Variants in AHRR observed in about 807,000 individuals in gnomAD.
The protein encoded by AHRR is aryl hydrocarbon receptor repressor.
Under a neutral mutation model 44.0 loss-of-function variants are expected in AHRR, and 28 were observed. The ratio of observed to expected loss-of-function variants is 0.64; its 90% confidence interval spans 0.47 to 0.87. AHRR has a LOEUF of 0.87. AHRR is among the 40% of genes least tolerant of loss of function. AHRR has a pLI of 0.00. For synonymous variants in AHRR, 434 were observed against 407.0 expected, an observed-to-expected ratio of 1.07 and a Z score of -0.80; for missense variants, 990 against 953.9, an observed-to-expected ratio of 1.04 and a Z score of -0.50.
At chr5:371,475 G>C (rs1743578956) in intron 3 of AHRR, among the ~76,000 whole-genome samples, 1 of 152,230 alleles carries the variant, frequency 6.6e-6, no homozygotes, top group South Asian at 2.1e-4. Flanking sequence ...GCTCTGAAGT[G>C]ATGAGCTTGC....
chr5:432,085 A>T, intron 8 of AHRR: 1 of 262,710 alleles, frequency 3.8e-6, no homozygotes, highest in Non-Finnish European at 7.4e-6. Context: ...TCTCCAACTC[A>T]CCTCAGTGTT....
At chr5:396,089 G>A (rs1734692451) in intron 4 of AHRR, among the ~76,000 whole-genome samples, 1 of 152,178 alleles carries the variant, frequency 6.6e-6, no homozygotes, top group Non-Finnish European at 1.5e-5. Context: ...GAGAGGGATG[G>A]GGCAGTGGGG....
intron 4 of AHRR, among the ~76,000 whole-genome samples, chr5:390,645 G>T (rs1734376074): frequency 6.6e-6 from 1 of 152,134 alleles, no homozygotes; most frequent in African/African-American, 2.4e-5. Context: ...AGATCGGAGG[G>T]CAGGGAGTCT....
intron 1 of AHRR, among the ~76,000 whole-genome samples, chr5:322,125 C>T: frequency 6.6e-6 from 1 of 151,934 alleles, no homozygotes; most frequent in Non-Finnish European, 1.5e-5. Flanking sequence ...GGGCCGCGCT[C>T]CCTGGGGCTG....
In AHRR at chr5:343,918, G is replaced by A. The variant is rs750397269; in HGVS notation, c.16G>A (p.Glu6Lys). MIPPG[E>K]CTYAGRKRRR... ...GCCGAGGACGATGATCCCGCCGGGG[G>A]AGTGCACGTACGCGGGCCGGAAGCG... The change falls in exon 2 of 11, where the codon GAG becomes AAG. Residue 6 changes from glutamate (E) to lysine (K), a missense_variant. Coordinates refer to ENST00000684583, the MANE Select transcript of AHRR (RefSeq NM_001377236.1). 1.9e-6 allele frequency: 3 copies of A among 1,601,674 alleles called. No homozygotes were observed. The highest frequency in any genetic ancestry group is 1.1e-5 in the South Asian group (1 of 90,412).
At position 413,413 on chromosome 5, in the gene AHRR, G is replaced by T. The variant is rs1274685428; in HGVS notation, c.421G>T (p.Asp141Tyr). 1.2e-6 allele frequency: 2 copies of T among 1,613,704 alleles called. No homozygotes were observed. Among genetic ancestry groups the T allele is most frequent in the African/African-American group, 2.7e-5 (2 of 74,902 alleles). The change falls in exon 5 of 11, where the codon GAC (aspartate) becomes TAC (tyrosine). Residue 141 changes from aspartate to tyrosine, a missense_variant. Coordinates refer to ENST00000684583, the MANE Select transcript of AHRR (RefSeq NM_001377236.1). ...ATTTTATGCATCAGCAACGATCGTG[G>T]ACTATCTGGGCTTCCATCAGGTAAA... ...TIFYASATIVDYLGFHQTDVM... is the reference protein window; with the variant it reads ...TIFYASATIVYYLGFHQTDVM...
rs1161012103 is a variant in AHRR at position 438,058 on chromosome 5, A to G, written c.*3224A>G. 1 of 152,352 alleles carries G rather than the reference A, an allele frequency of 6.6e-6. No individual in the cohort carries two copies. Among genetic ancestry groups the G allele is most frequent in the Non-Finnish European group, 1.5e-5 (1 of 68,034 alleles). 9.4% of individuals were successfully genotyped at this position (152,352 alleles called of 1,614,324 possible). On this transcript the variant is annotated 3_prime_UTR_variant, in exon 11 of 11. Transcript: ENST00000684583. ...ATAAGGTGGGAATGGGATGGAAGGG[A>G]GGAGATCAATACAACTTATATTTTT...
At chr5:381,438 C>T (rs1385630541) in intron 4 of AHRR, among the ~76,000 whole-genome samples, 1 of 148,784 alleles carries the variant, frequency 6.7e-6, no homozygotes, top group African/African-American at 2.5e-5. Flanking sequence ...AAGAGGCTAT[C>T]TGCCTTGTTC....
At chr5:373,188 T>G (rs908803910) in intron 3 of AHRR, among the ~76,000 whole-genome samples, 1 of 152,200 alleles carries the variant, frequency 6.6e-6, no homozygotes, top group Admixed American at 6.5e-5. Flanking sequence ...CAGATCCGGG[T>G]TCAGGCCCAG....
In AHRR at chr5:385,250, C is replaced by T. The variant is rs189593338; in HGVS notation, c.351+8534C>T. ...AGTGCAGTGGCATGATCATACCTTACTGTAACCTTGAACTCTTGGACTCAA... is the reference window on the plus strand; with the variant it reads ...AGTGCAGTGGCATGATCATACCTTATTGTAACCTTGAACTCTTGGACTCAA... On this transcript the variant is annotated intron_variant, in intron 4 of 10. Transcript: ENST00000684583. 7.8e-3 allele frequency among the ~76,000 whole-genome samples: 1,185 copies of T among 152,070 alleles called. 8 individuals are homozygous for T. The highest frequency in any genetic ancestry group is 0.013 in the Non-Finnish European group (900 of 67,986).
At chr5:345,423 TGTGG>T (rs1742617836) in intron 2 of AHRR, among the ~76,000 whole-genome samples, 1 of 113,986 alleles carries the variant, frequency 8.8e-6, no homozygotes, top group Non-Finnish European at 1.7e-5. Context: ...TGTGTGTGTG[TGTGG>T]GTGTGCGTGT....
At chr5:398,095 A>G (rs62331587) in intron 4 of AHRR, among the ~76,000 whole-genome samples, 1,675 of 107,504 alleles carry the variant, frequency 0.016, 7 homozygotes, top group African/African-American at 0.079. Flanking sequence ...GCCCCTGACC[A>G]TCCACGTAGC....
In AHRR at chr5:405,179, C is replaced by A. The variant is rs1475066974; in HGVS notation, c.352-8165C>A. ...TGTGAACAGCCCCGATGGGTCCAGG[C>A]AGATTCACCAGACTTTCTGCTCACG... On this transcript the variant is annotated intron_variant, in intron 4 of 10. Transcript: ENST00000684583. This position sits in a 1 kb window ranked among gnomAD's most constrained non-coding sequence, Gnocchi z 4.5. Among the ~76,000 whole-genome samples, 1 of 152,242 alleles carries A rather than the reference C, an allele frequency of 6.6e-6. No homozygotes were observed. Among genetic ancestry groups the A allele is most frequent in the East Asian group, 1.9e-4 (1 of 5,176 alleles).
At position 376,503 on chromosome 5, in the gene AHRR, G is replaced by A. The variant is rs879165625; in HGVS notation, c.245-107G>A. ...CAGTGCAGCCCAGGCCAGATGTCAG[G>A]TGAGAACCGTGGGGTGAACGCGGGG... On this transcript the variant is annotated intron_variant, in intron 3 of 10. Transcript: ENST00000684583. The A allele has an allele frequency of 2.0e-4, 51 of 256,314 alleles. 1 individual carries two copies. Among genetic ancestry groups the A allele is most frequent in the Middle Eastern group, 8.0e-4 (1 of 1,254 alleles). 15.9% of individuals were successfully genotyped at this position (256,314 alleles called of 1,614,324 possible).
chr5:359,296 CCGGGCAG>C lies in AHRR; in HGVS notation c.244+5386_244+5392del, dbSNP rs1366468079. ...GGAGGCCCTCAGTCACGGAGTCCAC[CCGGGCAG>C]TCAGCGACTGGGGAAGAGCGCCCGC... On this transcript the variant is annotated intron_variant, in intron 3 of 10. Transcript: ENST00000684583. Among the ~76,000 whole-genome samples the C allele has an allele frequency of 1.8e-3, 76 of 41,438 alleles. 8 individuals are homozygous for C. Among genetic ancestry groups the C allele is most frequent in the Non-Finnish European group, 3.2e-3 (40 of 12,452 alleles). The allele number at this position is 41,438 out of a possible 152,430, so 27.2% of individuals were successfully genotyped here.
At chr5:416,610 G>A (rs764561482) in intron 5 of AHRR, among the ~76,000 whole-genome samples, 72 of 152,288 alleles carry the variant, frequency 4.7e-4, no homozygotes, top group African/African-American at 1.5e-3. Flanking sequence ...GTGGCCACCC[G>A]GCATCCTCTT....
intron 3 of AHRR, among the ~76,000 whole-genome samples, chr5:363,623 T>G (rs931968791): frequency 6.6e-6 from 1 of 151,928 alleles, no homozygotes; most frequent in Non-Finnish European, 1.5e-5. Context: ...GCTCCAGGAG[T>G]CAACTTTTGC....
At position 353,802 on chromosome 5, in the gene AHRR, C is replaced by T. The variant is rs945481128; in HGVS notation, c.135C>T (p.Asp45=). Residue 45 remains aspartate, a synonymous_variant, in exon 3 of 11, where the codon GAC becomes GAT. Coordinates refer to ENST00000684583, the MANE Select transcript of AHRR (RefSeq NM_001377236.1). The stretch of plus-strand genomic sequence containing the variant: ...GGGACCGCCTCAACGCCGAGTTGGA[C>T]CACCTGGCCAGCCTGCTGCCGTTCC... ...RHRDRLNAEL[D]HLASLLPFPP... 1.9e-6 allele frequency: 3 copies of T among 1,614,000 alleles called. No homozygotes were observed. Among genetic ancestry groups the T allele is most frequent in the Non-Finnish European group, 2.5e-6 (3 of 1,180,012 alleles).
Position 338,768 on chromosome 5 carries a change from G to C in AHRR, c.-10-5125G>C, listed in dbSNP as rs1419718418. ...CCTTGGTGTAATTTTCCTGTTTCTT[G>C]TGCTTGGAGCTCACTGAGCTTCTTG... On this transcript the variant is annotated intron_variant, in intron 1 of 10. Coordinates refer to ENST00000684583, the MANE Select transcript of AHRR (RefSeq NM_001377236.1). The surrounding 1 kb of genome is among the most constrained non-coding windows in gnomAD (Gnocchi z 4.1). 6.6e-6 allele frequency among the ~76,000 whole-genome samples: 1 copy of C among 152,158 alleles called. No homozygotes were observed. The highest frequency in any genetic ancestry group is 2.4e-5 in the African/African-American group (1 of 41,434).
Sources: gnomAD v4.1 joint callset for allele counts (sites outside exome capture counted in the v4.1 genomes callset) on GRCh38, gnomAD v4.1.1 for gene constraint, Gnocchi (gnomAD v3.1) non-coding constraint, MANE v1.5 for transcripts, NCBI Gene and HGNC (gene_info 2026-07-23, HGNC 2026-07-21) for gene names.